The following TMEFF2 variants were observed in gnomAD, a reference collection of about 807,000 sequenced individuals.
TMEFF2 encodes the protein tomoregulin-2.
Under a neutral mutation model 53.8 loss-of-function variants are expected in TMEFF2, and 28 were observed. The observed-to-expected ratio is 0.52, with a 90% CI of 0.39 to 0.71. The LOEUF is 0.71. Ranked by LOEUF, TMEFF2 falls within the 30% of genes least tolerant of loss-of-function variation. The pLI is 0.00. For synonymous variants in TMEFF2, 162 were observed against 166.3 expected (o/e 0.97, Z 0.20); for missense variants, 353 against 455.2 (o/e 0.78, Z 2.04).
intron 4 of TMEFF2, among the ~76,000 whole-genome samples, chr2:192,105,787 TTTTC>T (rs1378704386): frequency 5.3e-5 from 8 of 151,984 alleles, no homozygotes; most frequent in South Asian, 2.1e-4. Flanking sequence ...TCCAACTGCA[TTTTC>T]TTTATCAAGT....
intron 5 of TMEFF2, among the ~76,000 whole-genome samples, chr2:192,034,196 CT>C (rs1007626408): frequency 1.3e-5 from 2 of 150,046 alleles, no homozygotes; most frequent in African/African-American, 4.9e-5. Flanking sequence ...AAAAAAAATC[CT>C]TTTTTTATAA....
At chr2:192,019,959 T>C (rs1466377289) in intron 5 of TMEFF2, among the ~76,000 whole-genome samples, 2 of 152,080 alleles carry the variant, frequency 1.3e-5, no homozygotes, top group African/African-American at 4.8e-5. Context: ...CAGAAATGTG[T>C]CTGAGCAGAT....
At chr2:192,132,842 G>A (rs1222765552) in intron 4 of TMEFF2, among the ~76,000 whole-genome samples, 3 of 152,124 alleles carry the variant, frequency 2.0e-5, no homozygotes, top group Non-Finnish European at 4.4e-5. Context: ...CTGGAATTCT[G>A]GCCCAAGGCT....
intron 5 of TMEFF2, among the ~76,000 whole-genome samples, chr2:192,016,435 A>G (rs558007750): frequency 6.6e-6 from 1 of 152,282 alleles, no homozygotes; most frequent in African/African-American, 2.4e-5. Context: ...CACTCAATCA[A>G]ATGACTAATA....
At chr2:192,163,151 T>C (rs1382585990) in intron 4 of TMEFF2, among the ~76,000 whole-genome samples, 1 of 152,172 alleles carries the variant, frequency 6.6e-6, no homozygotes, top group African/African-American at 2.4e-5. Flanking sequence ...GTGGAAGCCA[T>C]AGGCTTTATA....
intron 4 of TMEFF2, among the ~76,000 whole-genome samples, chr2:192,079,032 G>C (rs933517091): frequency 2.6e-5 from 4 of 152,138 alleles, no homozygotes; most frequent in Non-Finnish European, 4.4e-5. Context: ...ATTAAGAAAA[G>C]AGCTTGCCAT....
At chr2:191,989,893 C>T (rs896658995) in intron 7 of TMEFF2, among the ~76,000 whole-genome samples, 1 of 152,086 alleles carries the variant, frequency 6.6e-6, no homozygotes, top group African/African-American at 2.4e-5. Context: ...AAATTCTCAC[C>T]TTTCTTCTTG....
At chr2:192,032,386 A>G (rs1687162087) in intron 5 of TMEFF2, 1 of 152,220 alleles carries the variant, frequency 6.6e-6, no homozygotes, top group Non-Finnish European at 1.5e-5. Context: ...ACTCATGGAC[A>G]TGAGATGGTA....
Position 192,139,453 on chromosome 2 carries a change from T to C in TMEFF2, c.439+40215A>G, listed in dbSNP as rs367555653. 3.9e-5 allele frequency among the ~76,000 whole-genome samples: 6 copies of C among 152,310 alleles called. No individual in the cohort carries two copies. The South Asian group carries it at 8.3e-4, about 21-fold the overall frequency. On this transcript the variant is annotated intron_variant, in intron 4 of 9. Coordinates refer to ENST00000272771, the MANE Select transcript of TMEFF2 (RefSeq NM_016192.4). ...AGATTATGAGAGCATTTTGTCTGTT[T>C]AAATGAATGTAGCAGTCCAAACACT...
intron 4 of TMEFF2, among the ~76,000 whole-genome samples, chr2:192,113,878 T>C (rs1284661203): frequency 1.3e-5 from 2 of 152,134 alleles, no homozygotes; most frequent in African/African-American, 2.4e-5. Context: ...ATTGCATTGA[T>C]GGCAACTGAA....
At chr2:192,048,307 A>G (rs1687673468) in intron 5 of TMEFF2, among the ~76,000 whole-genome samples, 1 of 151,436 alleles carries the variant, frequency 6.6e-6, no homozygotes, top group African/African-American at 2.4e-5. Flanking sequence ...TTAACTAAAA[A>G]TTTTCAAGAT....
chr2:192,071,843 T>C (rs1406142055), intron 4 of TMEFF2, among the ~76,000 whole-genome samples: 2 of 151,870 alleles, frequency 1.3e-5, no homozygotes, highest in Non-Finnish European at 2.9e-5. Context: ...CTTAGTTGGT[T>C]GAATTCATGG....
At chr2:192,043,023 T>C (rs907210149) in intron 5 of TMEFF2, among the ~76,000 whole-genome samples, 1 of 152,112 alleles carries the variant, frequency 6.6e-6, no homozygotes, top group East Asian at 1.9e-4. Context: ...CTAAATGCAA[T>C]TGGAGTAATT....
chr2:192,010,899 G>C (rs1031732984), intron 5 of TMEFF2, among the ~76,000 whole-genome samples: 1 of 152,152 alleles, frequency 6.6e-6, no homozygotes. Flanking sequence ...TCTAACAAGA[G>C]GACATGTAAA....
In TMEFF2 at chr2:192,194,546, A is replaced by G; in HGVS notation, c.-22T>C. On this transcript the variant is annotated 5_prime_UTR_variant, in exon 1 of 10. Coordinates refer to ENST00000272771, the MANE Select transcript of TMEFF2 (RefSeq NM_016192.4). The surrounding 1 kb of genome is among the most constrained non-coding windows in gnomAD (Gnocchi z 4.2). ...CCATGACTAGTTCGTGCAACTCTGC[A>G]GCAGCAAACGGCTTCCGAGGAACAC... is the stretch of plus-strand genomic sequence containing the variant. 1.2e-6 allele frequency: 2 copies of G among 1,604,896 alleles called. No homozygotes were observed. The highest frequency in any genetic ancestry group is 1.7e-6 in the Non-Finnish European group (2 of 1,174,124).
At chr2:191,964,387 TTTC>T (rs1232528691) in intron 7 of TMEFF2, among the ~76,000 whole-genome samples, 1 of 25,774 alleles carries the variant, frequency 3.9e-5, no homozygotes, top group Admixed American at 4.7e-4. Context: ...TCTTTCTTTC[TTTC>T]TTTCTTTCTC....
At chr2:192,042,850 A>C (rs1687518217) in intron 5 of TMEFF2, among the ~76,000 whole-genome samples, 1 of 152,310 alleles carries the variant, frequency 6.6e-6, no homozygotes, top group African/African-American at 2.4e-5. Context: ...TTGTCATTTA[A>C]GACCTACTCA....
intron 2 of TMEFF2, among the ~76,000 whole-genome samples, chr2:192,188,767 G>C (rs962916859): frequency 6.6e-6 from 1 of 151,954 alleles, no homozygotes; most frequent in African/African-American, 2.4e-5. Flanking sequence ...ATATCTGCAT[G>C]CATCTCCCTT....
At chr2:192,189,945 C>T (rs920173213) in intron 2 of TMEFF2, among the ~76,000 whole-genome samples, 2 of 152,094 alleles carry the variant, frequency 1.3e-5, no homozygotes, top group Non-Finnish European at 2.9e-5. Context: ...TTTAAAATGC[C>T]ACAAGGATTA....
Sources: allele counts gnomAD v4.1 joint callset (sites outside exome capture counted in the v4.1 genomes callset), GRCh38; gene constraint gnomAD v4.1.1; non-coding constraint Gnocchi (gnomAD v3.1); transcripts MANE v1.5; gene names NCBI Gene and HGNC (gene_info 2026-07-23, HGNC 2026-07-21).